Variants in APP observed in about 807,000 individuals in gnomAD.
The protein encoded by APP is amyloid beta precursor protein.
Under a neutral mutation model 101.4 loss-of-function variants are expected in APP, and 31 were observed. The observed-to-expected ratio is 0.31, with a 90% CI of 0.23 to 0.41. The LOEUF (loss-of-function observed/expected upper bound fraction) is 0.41. APP is among the 10% of genes least tolerant of loss of function. APP has a pLI of 1.00. For synonymous variants in APP, 366 were observed against 364.4 expected (o/e 1.00, Z -0.05); for missense variants, 839 against 1,003.7 (o/e 0.84, Z 2.22).
At chr21:25,995,420 C>CA (rs11412792) in intron 8 of APP, among the ~76,000 whole-genome samples, 152,248 of 152,252 alleles carry the variant, frequency 1, 76,122 homozygotes, top group Non-Finnish European at 1. Flanking sequence ...ATGTCAGAAC[C>CA]AATGCTTAGC....
chr21:26,068,172 G>C (rs987349603), intron 3 of APP: 2 of 152,224 alleles, frequency 1.3e-5, no homozygotes, highest in Non-Finnish European at 2.9e-5. Context: ...AAGACAGGAA[G>C]AGGCATTTTC....
chr21:25,973,300 C>T (rs373262557), intron 11 of APP, among the ~76,000 whole-genome samples: 21 of 152,006 alleles, frequency 1.4e-4, no homozygotes, highest in East Asian at 5.8e-4. Context: ...CAAAGGAAAA[C>T]GCAAGACCCA....
At chr21:26,140,460 T>G in intron 1 of APP, 2 of 944,180 alleles carry the variant, frequency 2.1e-6, no homozygotes, top group Non-Finnish European at 2.9e-6. Flanking sequence ...TCCGGAACTC[T>G]GTCTTGGGTA....
rs566047180 is a variant in APP, at chr21:25,880,847, G to T, written c.*823C>A. 2.0e-5 allele frequency: 3 copies of T among 152,708 alleles called. No homozygotes were observed. Among genetic ancestry groups the T allele is most frequent in the Non-Finnish European group, 4.4e-5 (3 of 68,056 alleles). 9.5% of individuals were successfully genotyped at this position (152,708 alleles called of 1,614,324 possible). Reference sequence around the variant, plus strand: ...ATTTATGTAATACAGTGTAGAAAGCGATCATGTCATAAGCAATGATTCTGT... The same window carrying T: ...ATTTATGTAATACAGTGTAGAAAGCTATCATGTCATAAGCAATGATTCTGT... On this transcript the variant is annotated 3_prime_UTR_variant, in exon 18 of 18. Transcript: ENST00000346798.
At chr21:25,923,184 A>G (rs2039709258) in intron 13 of APP, among the ~76,000 whole-genome samples, 1 of 106,596 alleles carries the variant, frequency 9.4e-6, no homozygotes, top group Non-Finnish European at 1.8e-5. Flanking sequence ...CATATGTAGA[A>G]AGCTGAAACT....
At chr21:26,149,348 G>T (rs1369935272) in intron 1 of APP, among the ~76,000 whole-genome samples, 8 of 152,184 alleles carry the variant, frequency 5.3e-5, no homozygotes, top group African/African-American at 1.4e-4. Context: ...CTGCTGAAAA[G>T]AAAAAATTAA....
Position 25,997,394 on chromosome 21 carries a change from A to T in APP, c.1056T>A (p.Thr352=). ...GATCTCGGGCAAGAGGTTCCTGGGT[A>T]GTCTTGAGTAAACTTTGGGACACTA... is the stretch of plus-strand genomic sequence containing the variant. ...GSAMSQSLLK[T]TQEPLARDPV... The change falls in exon 8 of 18, where the codon ACT becomes ACA. Residue 352 remains threonine, a synonymous_variant. Transcript: ENST00000346798. The T allele has an allele frequency of 6.2e-7, 1 of 1,613,824 alleles. No homozygotes were observed. Among genetic ancestry groups the T allele is most frequent in the Non-Finnish European group, 8.5e-7 (1 of 1,179,692 alleles).
chr21:26,012,291 GC>G (rs1472869867), intron 6 of APP, among the ~76,000 whole-genome samples: 1 of 151,888 alleles, frequency 6.6e-6, no homozygotes, highest in African/African-American at 2.4e-5. Context: ...GAGATACCAT[GC>G]CTGGCCTGTA....
intron 3 of APP, among the ~76,000 whole-genome samples, chr21:26,078,819 G>A (rs553842259): frequency 3.3e-4 from 51 of 152,272 alleles, no homozygotes; most frequent in Admixed American, 9.8e-4. Context: ...GCCGAGGCGC[G>A]GATCACCTGA....
At chr21:25,914,608 C>A (rs954496552) in intron 13 of APP, among the ~76,000 whole-genome samples, 1 of 137,250 alleles carries the variant, frequency 7.3e-6, no homozygotes, top group East Asian at 2.1e-4. Flanking sequence ...GGCTGGAGTG[C>A]AGTGGCGCAA....
At chr21:26,026,607 A>T (rs1192893067) in intron 5 of APP, among the ~76,000 whole-genome samples, 1 of 152,200 alleles carries the variant, frequency 6.6e-6, no homozygotes, top group Non-Finnish European at 1.5e-5. Flanking sequence ...AAAAGTCACC[A>T]TTTGTATTTT....
intron 6 of APP, 43 bp from the exon 7 acceptor site, chr21:26,000,225 G>A (rs748476387): frequency 6.8e-6 from 11 of 1,608,218 alleles, no homozygotes; most frequent in Non-Finnish European, 9.4e-6. Context: ...GCATGAAAAG[G>A]CACTGTCTCT....
chr21:26,002,697 C>A lies in APP; in HGVS notation c.866-2515G>T, dbSNP rs1568838658. On this transcript the variant is annotated intron_variant, in intron 6 of 17. Transcript: ENST00000346798. ...CCAAGGGAGGCACAGAATCCCTTCA[C>A]CCCATAGTCACGGGAGCATTGGCAA... is the stretch of plus-strand genomic sequence containing the variant. Among the ~76,000 whole-genome samples the A allele has an allele frequency of 2.6e-5, 4 of 152,182 alleles. No individual in the cohort carries two copies. In the South Asian group the frequency reaches 8.3e-4, roughly 32 times the overall value.
intron 13 of APP, among the ~76,000 whole-genome samples, chr21:25,950,692 G>A (rs1030954620): frequency 1.3e-5 from 2 of 152,166 alleles, no homozygotes; most frequent in East Asian, 1.9e-4. Context: ...GCATAGTTCC[G>A]AAAAGGAGGA....
intron 13 of APP, chr21:25,941,450 A>G (rs1358935939): frequency 6.6e-6 from 1 of 152,256 alleles, no homozygotes; most frequent in Non-Finnish European, 1.5e-5. Context: ...AGATGATCTC[A>G]TGATGTGTAT....
intron 1 of APP, chr21:26,169,186 A>T (rs2063684049): frequency 6.6e-6 from 1 of 152,250 alleles, no homozygotes; most frequent in Non-Finnish European, 1.5e-5. Context: ...AATGTTCGAG[A>T]GTTGGATGAA....
chr21:26,017,126 G>C (rs1038381587), intron 6 of APP, among the ~76,000 whole-genome samples: 1 of 147,566 alleles, frequency 6.8e-6, no homozygotes, highest in Non-Finnish European at 1.5e-5. Context: ...GTGAACCCGG[G>C]AGGCCGAGCT....
At chr21:26,072,047 T>G (rs1431634876) in intron 3 of APP, among the ~76,000 whole-genome samples, 1 of 152,234 alleles carries the variant, frequency 6.6e-6, no homozygotes, top group Non-Finnish European at 1.5e-5. Context: ...AGTTGACTAT[T>G]TATATAAGTC....
chr21:25,895,696 G>GT (rs1393574381), intron 16 of APP, among the ~76,000 whole-genome samples: 1 of 152,072 alleles, frequency 6.6e-6, no homozygotes, highest in Non-Finnish European at 1.5e-5. Flanking sequence ...TTCTAAAAGT[G>GT]TTTTACTCGT....
Sources: gnomAD v4.1 joint callset for allele counts (sites outside exome capture counted in the v4.1 genomes callset) on GRCh38, gnomAD v4.1.1 for gene constraint, MANE v1.5 for transcripts, NCBI Gene and HGNC (gene_info 2026-07-23, HGNC 2026-07-21) for gene names.